CRIM1: variants seen among roughly 807,000 people sequenced by gnomAD.
The protein encoded by CRIM1 is cysteine-rich motor neuron 1 protein.
Under a neutral mutation model 116.4 loss-of-function variants are expected in CRIM1, and 32 were observed. The observed-to-expected ratio is 0.27, with a 90% CI of 0.21 to 0.37. The LOEUF is 0.37. Among genes scored for constraint, CRIM1 ranks in the 10% least tolerant of loss-of-function variants. The pLI, the probability that CRIM1 is intolerant of heterozygous loss-of-function variation, is 1.00. For synonymous variants in CRIM1, 590 were observed against 509.2 expected (o/e 1.16, Z -2.13); for missense variants, 1,331 against 1,354.8 (o/e 0.98, Z 0.28).
intron 13 of CRIM1, among the ~76,000 whole-genome samples, chr2:36,534,001 G>C (rs1268832591): frequency 1.3e-5 from 2 of 148,752 alleles, no homozygotes; most frequent in Non-Finnish European, 3.0e-5. Flanking sequence ...AAGGAAGGAA[G>C]GAAGGAAAGG....
intron 1 of CRIM1, among the ~76,000 whole-genome samples, chr2:36,392,749 G>T (rs960638574): frequency 3.3e-5 from 5 of 152,108 alleles, no homozygotes; most frequent in African/African-American, 1.2e-4. Flanking sequence ...CCTATGAAGC[G>T]GTGGTTGCTA....
intron 2 of CRIM1, among the ~76,000 whole-genome samples, chr2:36,414,880 A>C (rs1673489544): frequency 6.6e-6 from 1 of 152,216 alleles, no homozygotes; most frequent in East Asian, 1.9e-4. Context: ...TTTTATTCTA[A>C]GTATAATAGG....
At chr2:36,463,439 G>T (rs931205887) in intron 4 of CRIM1, among the ~76,000 whole-genome samples, 2 of 152,074 alleles carry the variant, frequency 1.3e-5, no homozygotes, top group Non-Finnish European at 2.9e-5. Context: ...GACCTCTACC[G>T]TATGTAAATA....
At chr2:36,424,968 C>A (rs548555065) in intron 2 of CRIM1, among the ~76,000 whole-genome samples, 219 of 152,272 alleles carry the variant, frequency 1.4e-3, no homozygotes, top group African/African-American at 4.9e-3. Flanking sequence ...CCTTAGGATT[C>A]ATATGCTACC....
At chr2:36,536,929 A>C (rs756282606) in intron 13 of CRIM1, among the ~76,000 whole-genome samples, 1 of 151,890 alleles carries the variant, frequency 6.6e-6, no homozygotes, top group Non-Finnish European at 1.5e-5. Flanking sequence ...ACTCCCACTC[A>C]AGGGTTGCAG....
intron 6 of CRIM1, 108 bp downstream of exon 6, chr2:36,477,179 T>C (rs1679051709): frequency 5.4e-6 from 5 of 928,460 alleles, no homozygotes; most frequent in Non-Finnish European, 7.8e-6. Context: ...AATATTGAAG[T>C]TCCTTTTTTA....
At position 36,547,522 on chromosome 2, in the gene CRIM1, C is replaced by T. The variant is rs145308776; in HGVS notation, c.2934+351C>T. ...ACGTGATCACCTGGCATTTCTTAGT[C>T]ATCAGTCAACTTAGAATTGGGAGAG... On this transcript the variant is annotated intron_variant, in intron 16 of 16. Transcript: ENST00000280527. Among the ~76,000 whole-genome samples the T allele has an allele frequency of 2.3e-3, 345 of 152,222 alleles. 1 individual carries two copies. The highest frequency in any genetic ancestry group is 7.9e-3 in the African/African-American group (329 of 41,532).
At chr2:36,494,891 G>C (rs1473556412) in intron 7 of CRIM1, among the ~76,000 whole-genome samples, 1 of 152,086 alleles carries the variant, frequency 6.6e-6, no homozygotes, top group Non-Finnish European at 1.5e-5. Context: ...TACAAGATGA[G>C]ATAGAATTTC....
At chr2:36,410,197 G>T (rs1050363071) in intron 2 of CRIM1, among the ~76,000 whole-genome samples, 11 of 151,902 alleles carry the variant, frequency 7.2e-5, no homozygotes, top group African/African-American at 1.9e-4. Flanking sequence ...TCGAGGATGT[G>T]TTTTTTTTGT....
chr2:36,537,818 T>C (rs1049109456), intron 14 of CRIM1, among the ~76,000 whole-genome samples: 1 of 152,200 alleles, frequency 6.6e-6, no homozygotes, highest in Non-Finnish European at 1.5e-5. Flanking sequence ...AACCTGTTAA[T>C]GACACCTGCC....
intron 2 of CRIM1, among the ~76,000 whole-genome samples, chr2:36,425,775 C>CTAAATACGAATAACCA (rs1674401194): frequency 6.6e-6 from 1 of 152,134 alleles, no homozygotes; most frequent in African/African-American, 2.4e-5. Flanking sequence ...GAGGTTATTG[C>CTAAATACGAATAACCA]TAAATACGAA....
At chr2:36,410,558 C>G (rs1420016062) in intron 2 of CRIM1, among the ~76,000 whole-genome samples, 3 of 148,674 alleles carry the variant, frequency 2.0e-5, no homozygotes, top group African/African-American at 2.5e-5. Flanking sequence ...TTTTTTTTCT[C>G]TTTAAAATGT....
intron 10 of CRIM1, among the ~76,000 whole-genome samples, chr2:36,512,876 C>T (rs897565881): frequency 6.6e-5 from 10 of 152,192 alleles, no homozygotes; most frequent in Non-Finnish European, 1.2e-4. Context: ...TGTGAATAAG[C>T]ACAGAGCCTG....
chr2:36,387,265 T>A (rs1051671457), intron 1 of CRIM1, among the ~76,000 whole-genome samples: 6 of 152,348 alleles, frequency 3.9e-5, no homozygotes, highest in Non-Finnish European at 5.9e-5. Context: ...TTTTAGAGTA[T>A]CCTGATGAAG....
At chr2:36,382,902 T>C (rs1321951142) in intron 1 of CRIM1, among the ~76,000 whole-genome samples, 2 of 152,262 alleles carry the variant, frequency 1.3e-5, no homozygotes, top group African/African-American at 2.4e-5. Context: ...GATATGGATT[T>C]GATCAGAGCA....
At chr2:36,411,585 C>T (rs1673205860) in intron 2 of CRIM1, among the ~76,000 whole-genome samples, 1 of 152,022 alleles carries the variant, frequency 6.6e-6, no homozygotes, top group Non-Finnish European at 1.5e-5. Context: ...TGTATATAAG[C>T]ACATATACAT....
chr2:36,475,286 C>CA (rs1678880111), intron 5 of CRIM1, among the ~76,000 whole-genome samples: 1 of 152,114 alleles, frequency 6.6e-6, no homozygotes, highest in African/African-American at 2.4e-5. Context: ...TTGTTATTTT[C>CA]AAAATACAAG....
chr2:36,456,412 A>G (rs551672470), intron 4 of CRIM1, among the ~76,000 whole-genome samples: 2 of 152,292 alleles, frequency 1.3e-5, no homozygotes, highest in East Asian at 1.9e-4. Context: ...GGAATAACCT[A>G]TGTTGCTAAA....
intron 7 of CRIM1, among the ~76,000 whole-genome samples, chr2:36,488,944 G>T (rs1680034273): frequency 6.6e-6 from 1 of 152,132 alleles, no homozygotes; most frequent in African/African-American, 2.4e-5. Context: ...TGATTTGCAA[G>T]CCACCGCTCG....
Sources: allele counts gnomAD v4.1 joint callset (sites outside exome capture counted in the v4.1 genomes callset), GRCh38; gene constraint gnomAD v4.1.1; transcripts MANE v1.5; gene names NCBI Gene and HGNC (gene_info 2026-07-23, HGNC 2026-07-21).